The following CENPI variants were observed in gnomAD, a reference collection of about 807,000 sequenced individuals.
CENPI encodes centromere protein I.
A neutral mutation model predicts 60.4 loss-of-function variants in CENPI; 4 were observed. That is an observed-to-expected ratio of 0.07 (90% CI 0.03 to 0.15). The LOEUF is 0.15. CENPI is among the 10% of genes least tolerant of loss of function. The pLI is 1.00. For synonymous variants in CENPI, 157 were observed against 189.4 expected, an observed-to-expected ratio of 0.83 and a Z score of 1.40; for missense variants, 444 against 534.5, an observed-to-expected ratio of 0.83 and a Z score of 1.67.
the CENPI span, among the ~76,000 whole-genome samples, chrX:101,176,740 T>G: frequency 6.2e-5 from 7 of 113,125 alleles, no homozygotes; most frequent in Non-Finnish European, 1.3e-4. Flanking sequence ...CTCTGTTGGT[T>G]GTTTCCTTTG....
the CENPI span, among the ~76,000 whole-genome samples, chrX:101,177,127 G>T: frequency 1.7e-3 from 189 of 111,652 alleles, no homozygotes; most frequent in Non-Finnish European, 2.7e-3. Flanking sequence ...TGGCTTGCTT[G>T]GGTGCCAGTA....
chrX:101,103,286 G>A (rs997913617), intron 4 of CENPI, among the ~76,000 whole-genome samples: 23 of 111,325 alleles, frequency 2.1e-4, no homozygotes, highest in Non-Finnish European at 3.8e-4. Flanking sequence ...GAGCCACTGC[G>A]CCCAGCCTGG....
At chrX:101,180,503 C>T in the CENPI span, among the ~76,000 whole-genome samples, 2 of 111,868 alleles carry the variant, frequency 1.8e-5, no homozygotes, top group African/African-American at 6.5e-5. Context: ...TTTATATATT[C>T]TGAATATAAG....
At chrX:101,160,982 T>C (rs2090103264) in intron 20 of CENPI, among the ~76,000 whole-genome samples, 1 of 112,030 alleles carries the variant, frequency 8.9e-6, no homozygotes, top group African/African-American at 3.2e-5. Flanking sequence ...AGTTGTACTC[T>C]GAATAGAGGG....
At chrX:101,142,848 G>A (rs139923568) in intron 16 of CENPI, among the ~76,000 whole-genome samples, 1,318 of 110,766 alleles carry the variant, frequency 0.012, 7 homozygotes, top group Middle Eastern at 0.088. Context: ...TGAGGCCAGC[G>A]GATCACTTGA....
chrX:101,108,212 C>G (rs982203973), intron 4 of CENPI, among the ~76,000 whole-genome samples: 2 of 111,353 alleles, frequency 1.8e-5, no homozygotes, highest in African/African-American at 6.5e-5. Flanking sequence ...GTAACTGGGA[C>G]TATAGGCATG....
chrX:101,169,906 T>C (rs1380643681), downstream of CENPI, among the ~76,000 whole-genome samples: 1 of 110,426 alleles, frequency 9.1e-6, no homozygotes, highest in Non-Finnish European at 1.9e-5. Context: ...GAAAATATTT[T>C]GTACAGCTGT....
rs1237778823 is a variant in CENPI, at chrX:101,147,936, C to T, written c.1876-7C>T. ...ATAGTGACAATTTTTTATTTCTTTC[C>T]CATTAGACAAAATCAGAGTTCAATT... On this transcript the variant is annotated splice_region_variant and splice_polypyrimidine_tract_variant and intron_variant, in intron 19 of 21. Transcript: ENST00000682095. The T allele has an allele frequency of 8.4e-7, 1 of 1,197,592 alleles. No homozygotes were observed. Among genetic ancestry groups the T allele is most frequent in the Non-Finnish European group, 1.1e-6 (1 of 885,505 alleles).
At chrX:101,161,747 C>A (rs1296439493) in intron 21 of CENPI, among the ~76,000 whole-genome samples, 178 bp downstream of exon 21, 2 of 111,339 alleles carry the variant, frequency 1.8e-5, no homozygotes, top group Non-Finnish European at 3.8e-5. Context: ...GGCACTTATT[C>A]TTTCTAGTCT....
intron 4 of CENPI, among the ~76,000 whole-genome samples, 177 bp from the exon 5 acceptor site, chrX:101,109,296 G>T (rs1354297425): frequency 9.1e-5 from 10 of 110,014 alleles, no homozygotes; most frequent in African/African-American, 3.3e-4. Flanking sequence ...GGTCGGGCTG[G>T]TCTTGAACTC....
intron 20 of CENPI, among the ~76,000 whole-genome samples, chrX:101,155,624 C>T (rs1490572339): frequency 3.6e-5 from 4 of 112,105 alleles, no homozygotes; most frequent in African/African-American, 1.3e-4. Flanking sequence ...TATGTTTAAC[C>T]AACCTTGCAT....
In CENPI at chrX:101,127,554, A is replaced by G. The variant is rs2089748977; in HGVS notation, c.963A>G (p.Glu321=). ...TCAATTCCAGTAGCTACACTAAAGA[A>G]TGTGGAAAAAAAGAGATGAGTCTTT... ...PVLNSSSYTK[E]CGKKEMSLSD... The change falls in exon 11 of 22, where the codon GAA becomes GAG. Residue 321 remains glutamate (E), a synonymous_variant. Coordinates refer to ENST00000682095, the MANE Select transcript of CENPI (RefSeq NM_001386188.2). 21 of 1,198,249 alleles carry G rather than the reference A, an allele frequency of 1.8e-5. No homozygotes were observed. The highest frequency in any genetic ancestry group is 2.1e-5 in the Non-Finnish European group (19 of 885,685).
intron 8 of CENPI, 132 bp from the exon 9 acceptor site, chrX:101,126,577 G>T: frequency 4.0e-6 from 2 of 494,989 alleles, no homozygotes; most frequent in Non-Finnish European, 6.9e-6. Context: ...CTTGATTTTT[G>T]ATAGCATCTT....
intron 6 of CENPI, among the ~76,000 whole-genome samples, chrX:101,114,826 A>G (rs1379418231): frequency 9.1e-6 from 1 of 109,680 alleles, no homozygotes; most frequent in East Asian, 2.9e-4. Context: ...TTGTTAGTAG[A>G]GACAGGGTTT....
intron 18 of CENPI, 68 bp from the exon 19 acceptor site, chrX:101,147,695 T>C: frequency 1.3e-5 from 11 of 837,749 alleles, no homozygotes; most frequent in Non-Finnish European, 1.9e-5. Flanking sequence ...TTTTTAAATT[T>C]TACCATTTCA....
chrX:101,178,057 G>A, the CENPI span, among the ~76,000 whole-genome samples: 1 of 111,706 alleles, frequency 9.0e-6, no homozygotes, highest in African/African-American at 3.3e-5. Flanking sequence ...GCCTGAAAGA[G>A]TCTAGGGGCT....
At chrX:101,111,254 A>G (rs1449331296) in intron 6 of CENPI, among the ~76,000 whole-genome samples, 1 of 111,522 alleles carries the variant, frequency 9.0e-6, no homozygotes, top group Non-Finnish European at 1.9e-5. Flanking sequence ...GGAAGCTGAC[A>G]TGATAATCTA....
chrX:101,098,560 T>G (rs1165867970), intron 2 of CENPI, 21 bp downstream of exon 2: 1 of 111,687 alleles, frequency 9.0e-6, no homozygotes, highest in Non-Finnish European at 1.9e-5. Context: ...TTCCGACTAT[T>G]CCTTTAGTTT....
chrX:101,102,399 A>G lies in CENPI; in HGVS notation c.352A>G (p.Ser118Gly). ...EIDILLNIALSGKFGNAVNTR... is the reference protein window; with the variant it reads ...EIDILLNIALGGKFGNAVNTR... ...TGATATTCTATTAAATATTGCACTC[A>G]GTGGCAAATTTGGTATGTTGAGGAA... Residue 118 changes from serine to glycine, a missense_variant, in exon 4 of 22, where the codon AGT (serine) becomes GGT (glycine). Ser to Gly is a moderately conservative substitution (Grantham distance 56, BLOSUM62 0). Coordinates refer to ENST00000682095, the MANE Select transcript of CENPI (RefSeq NM_001386188.2). The G allele has an allele frequency of 6.0e-6, 7 of 1,171,528 alleles. No homozygotes were observed. Among genetic ancestry groups the G allele is most frequent in the Non-Finnish European group, 6.9e-6 (6 of 874,803 alleles).
Sources: allele counts gnomAD v4.1 joint callset (sites outside exome capture counted in the v4.1 genomes callset), GRCh38; gene constraint gnomAD v4.1.1; transcripts MANE v1.5; gene names NCBI Gene and HGNC (gene_info 2026-07-23, HGNC 2026-07-21).